The following MTAP variants were observed in gnomAD, a reference collection of about 807,000 sequenced individuals.
The protein encoded by MTAP is S-methyl-5'-thioadenosine phosphorylase.
In MTAP, 33 loss-of-function variants were observed where a neutral mutation model predicts 33.6. That is an observed-to-expected ratio of 0.98 (90% confidence interval 0.74 to 1.31). The LOEUF (loss-of-function observed/expected upper bound fraction) is 1.31, where lower values mean the gene tolerates loss of function less well. Ranked by LOEUF, MTAP falls within the 40% of genes most tolerant of loss-of-function variation. The pLI, the probability that MTAP is intolerant of heterozygous loss-of-function variation, is 0.00. For missense variants in MTAP, 367 were observed against 360.0 expected (o/e 1.02, Z -0.16); for synonymous variants, 148 against 125.7 (o/e 1.18, Z -1.19).
At chr9:21,929,007 C>T (rs1368270486) in intron 1 of MTAP, among the ~76,000 whole-genome samples, 3 of 152,104 alleles carry the variant, frequency 2.0e-5, no homozygotes, top group Non-Finnish European at 4.4e-5. Context: ...ATCCCAGCCT[C>T]TGTATCTTCC....
chr9:21,888,932 C>T (rs998872400), intron 1 of MTAP, among the ~76,000 whole-genome samples: 11 of 152,172 alleles, frequency 7.2e-5, no homozygotes, highest in East Asian at 1.9e-4. Flanking sequence ...ATCAGATTAA[C>T]GCAAATTTCT....
chr9:21,817,944 T>C (rs1463694562), intron 3 of MTAP, 91 bp from the exon 4 acceptor site: 1 of 1,283,530 alleles, frequency 7.8e-7, no homozygotes, highest in African/African-American at 1.5e-5. Flanking sequence ...TGGTCATTGC[T>C]AGAGAATCAC....
chr9:21,871,051 A>G (rs4977737), downstream of MTAP, among the ~76,000 whole-genome samples: 65,759 of 151,918 alleles, frequency 0.43, 16,602 homozygotes, highest in African/African-American at 0.66. Context: ...GATCACAGCC[A>G]TCAGCCACCA....
downstream of MTAP, chr9:21,936,165 A>C (rs993145879): frequency 1.3e-5 from 2 of 152,244 alleles, no homozygotes; most frequent in Non-Finnish European, 2.9e-5. Flanking sequence ...CCTTTTTAAA[A>C]TAAAAATTAT....
At chr9:21,823,381 T>C (rs893706978) in intron 4 of MTAP, among the ~76,000 whole-genome samples, 11 of 152,332 alleles carry the variant, frequency 7.2e-5, no homozygotes, top group African/African-American at 2.6e-4. Flanking sequence ...AAGCTTAGTT[T>C]GGCTGGATAT....
At chr9:21,905,901 G>A (rs996930015) in intron 1 of MTAP, among the ~76,000 whole-genome samples, 7 of 152,328 alleles carry the variant, frequency 4.6e-5, no homozygotes, top group African/African-American at 1.4e-4. Flanking sequence ...TACCATAGTG[G>A]CTTTGGGTGG....
At chr9:21,909,404 T>C (rs113981770) in intron 1 of MTAP, among the ~76,000 whole-genome samples, 33 of 152,150 alleles carry the variant, frequency 2.2e-4, no homozygotes, top group African/African-American at 7.7e-4. Flanking sequence ...ATAGTCCATA[T>C]AGAATTAAAT....
Position 21,865,067 on chromosome 9 carries a change from C to G in MTAP, c.*3053C>G, listed in dbSNP as rs1050459311. The G allele has an allele frequency of 1.0e-6, 1 of 985,314 alleles. No individual in the cohort carries two copies. The highest frequency in any genetic ancestry group is 1.2e-6 in the Non-Finnish European group (1 of 829,950). 61.0% of individuals were successfully genotyped at this position (985,314 alleles called of 1,614,324 possible). On this transcript the variant is annotated 3_prime_UTR_variant, in exon 8 of 8. Coordinates refer to ENST00000644715, the MANE Select transcript of MTAP (RefSeq NM_002451.4). ...AGTTCTTGCCACATTTGCAGAGTCC[C>G]TCCTTGATAAGGTTTGGCGGTGTCC...
intron 1 of MTAP, among the ~76,000 whole-genome samples, chr9:21,898,217 A>T (rs1229297994): frequency 6.6e-6 from 1 of 152,234 alleles, no homozygotes; most frequent in Non-Finnish European, 1.5e-5. Flanking sequence ...CTTACACCTT[A>T]TGCAAAAATT....
Position 21,865,895 on chromosome 9 carries a change from T to G in MTAP, c.*3881T>G. The G allele has an allele frequency of 3.1e-6, 2 of 647,754 alleles. No individual in the cohort carries two copies. Among genetic ancestry groups the G allele is most frequent in the South Asian group, 6.9e-5 (1 of 14,516 alleles). 40.1% of individuals were successfully genotyped at this position (647,754 alleles called of 1,614,324 possible). ...ATATGCCTATCTTACAATTTGATTA[T>G]CTATTCACCTGTTGATGAATGTTTG... On this transcript the variant is annotated 3_prime_UTR_variant, in exon 8 of 8. Coordinates refer to ENST00000644715, the MANE Select transcript of MTAP (RefSeq NM_002451.4).
chr9:21,825,932 G>T (rs1222650213), intron 4 of MTAP, among the ~76,000 whole-genome samples: 2 of 146,616 alleles, frequency 1.4e-5, no homozygotes, highest in African/African-American at 5.2e-5. Flanking sequence ...GTCCATTTAT[G>T]TGTCTTCTTT....
intron 1 of MTAP, among the ~76,000 whole-genome samples, chr9:21,885,472 A>C (rs1353475460): frequency 6.6e-6 from 1 of 151,958 alleles, no homozygotes; most frequent in East Asian, 1.9e-4. Flanking sequence ...AGGTGTTGTT[A>C]CCTGAGGATG....
intron 4 of MTAP, among the ~76,000 whole-genome samples, chr9:21,830,038 G>A (rs1051130813): frequency 1.3e-5 from 2 of 152,180 alleles, no homozygotes; most frequent in African/African-American, 2.4e-5. Context: ...GGTAGAGAGT[G>A]CAGTGGGTTC....
At chr9:21,902,404 C>A (rs909151495) in intron 1 of MTAP, among the ~76,000 whole-genome samples, 1 of 152,176 alleles carries the variant, frequency 6.6e-6, no homozygotes, top group Non-Finnish European at 1.5e-5. Context: ...ATTTTTAGCT[C>A]CTATAATGGA....
At chr9:21,821,425 G>T (rs1446342719) in intron 4 of MTAP, among the ~76,000 whole-genome samples, 1 of 152,176 alleles carries the variant, frequency 6.6e-6, no homozygotes, top group South Asian at 2.1e-4. Flanking sequence ...GCTGGATTAT[G>T]TTTATTGATT....
intron 5 of MTAP, 44 bp from the exon 6 acceptor site, chr9:21,854,587 G>A (rs377683143): frequency 3.3e-6 from 5 of 1,506,478 alleles, no homozygotes; most frequent in African/African-American, 1.4e-5. Context: ...CTTAAGTTGT[G>A]CATGTGCTAG....
At position 21,883,136 on chromosome 9, in the gene MTAP, C is replaced by A. The variant is rs558057950; in HGVS notation, c.147+28266C>A. Among the ~76,000 whole-genome samples the A allele has an allele frequency of 3.8e-3, 539 of 143,172 alleles. 7 individuals carry two copies. Among genetic ancestry groups the A allele is most frequent in the African/African-American group, 0.012 (469 of 38,794 alleles). 93.9% of individuals were successfully genotyped at this position (143,172 alleles called of 152,430 possible). On this transcript the variant is annotated intron_variant, in intron 1 of 1. Coordinates refer to the MTAP transcript ENST00000577563. ...CAATACTTATAACTGAAAAAAAAAA[C>A]AAAAACTGGTGTCCAGAATATCCAA...
At chr9:21,846,569 T>A (rs931176041) in intron 5 of MTAP, among the ~76,000 whole-genome samples, 8 of 152,150 alleles carry the variant, frequency 5.3e-5, no homozygotes, top group Non-Finnish European at 1.0e-4. Flanking sequence ...TGGCCATAAT[T>A]TAAACATCAA....
downstream of MTAP, chr9:21,937,800 C>T (rs1587310609): frequency 6.6e-6 from 1 of 152,186 alleles, no homozygotes; most frequent in Non-Finnish European, 1.5e-5. Flanking sequence ...GTAGGATTTT[C>T]CAGATGGATT....
Sources: allele counts gnomAD v4.1 joint callset (sites outside exome capture counted in the v4.1 genomes callset), GRCh38; gene constraint gnomAD v4.1.1; transcripts MANE v1.5; gene names NCBI Gene and HGNC (gene_info 2026-07-23, HGNC 2026-07-21).